Variants in PDGFD observed in about 807,000 individuals in gnomAD.
PDGFD encodes platelet-derived growth factor D.
A neutral mutation model predicts 44.7 loss-of-function variants in PDGFD; 30 were observed. The observed-to-expected ratio is 0.67, with a 90% CI of 0.50 to 0.91. The LOEUF is 0.91. PDGFD is among the 40% of genes least tolerant of loss of function. The pLI, the probability that PDGFD is intolerant of heterozygous loss-of-function variation, is 0.00. For synonymous variants in PDGFD, 173 were observed against 168.4 expected (o/e 1.03, Z -0.21); for missense variants, 445 against 457.8 (o/e 0.97, Z 0.25).
At chr11:103,976,526 C>T (rs936129631) in intron 3 of PDGFD, among the ~76,000 whole-genome samples, 4 of 152,124 alleles carry the variant, frequency 2.6e-5, no homozygotes, top group African/African-American at 9.7e-5. Flanking sequence ...TTATTTCTTT[C>T]TCTTGCCTGA....
intron 3 of PDGFD, among the ~76,000 whole-genome samples, chr11:103,978,093 A>G (rs529493862): frequency 6.6e-6 from 1 of 152,180 alleles, no homozygotes; most frequent in Non-Finnish European, 1.5e-5. Context: ...TTCCATTGCT[A>G]ACAGCTGGGA....
intron 1 of PDGFD, among the ~76,000 whole-genome samples, chr11:104,015,759 C>A (rs2134378072): frequency 6.6e-6 from 1 of 152,260 alleles, no homozygotes; most frequent in African/African-American, 2.4e-5. Context: ...GTTACAATAT[C>A]ATGTGAGAGT....
At chr11:103,955,995 C>A (rs111880056) in intron 3 of PDGFD, among the ~76,000 whole-genome samples, 2,071 of 151,524 alleles carry the variant, frequency 0.014, 45 homozygotes, top group South Asian at 0.056. Flanking sequence ...CATTTTTCTT[C>A]CTACATTATG....
At chr11:103,941,997 T>C (rs1375089038) in intron 5 of PDGFD, among the ~76,000 whole-genome samples, 2 of 152,128 alleles carry the variant, frequency 1.3e-5, no homozygotes, top group East Asian at 3.9e-4. Context: ...TTCAGGGCTA[T>C]AGTGATCTGC....
chr11:104,156,661 A>C (rs757841827), intron 1 of PDGFD, among the ~76,000 whole-genome samples: 1 of 152,210 alleles, frequency 6.6e-6, no homozygotes, highest in South Asian at 2.1e-4. Flanking sequence ...TTAATCTGTC[A>C]ATATTAAAGC....
chr11:104,131,360 G>C (rs1861917267), intron 1 of PDGFD, among the ~76,000 whole-genome samples: 1 of 152,124 alleles, frequency 6.6e-6, no homozygotes, highest in Admixed American at 6.5e-5. Flanking sequence ...CTGCTGCCTT[G>C]CCAGTGGTGA....
intron 3 of PDGFD, among the ~76,000 whole-genome samples, chr11:103,955,191 A>C (rs1406837869): frequency 5.3e-5 from 4 of 75,182 alleles, no homozygotes; most frequent in Admixed American, 4.1e-4. Flanking sequence ...AAAAAAAAAA[A>C]AAAAAAAAAA....
At chr11:104,100,741 G>C (rs1196898273) in intron 1 of PDGFD, among the ~76,000 whole-genome samples, 7 of 152,118 alleles carry the variant, frequency 4.6e-5, no homozygotes, top group Admixed American at 4.6e-4. Flanking sequence ...ACAACAAAAA[G>C]CTTATCCACC....
At chr11:104,028,640 C>T (rs371788322) in intron 1 of PDGFD, among the ~76,000 whole-genome samples, 2 of 149,814 alleles carry the variant, frequency 1.3e-5, no homozygotes, top group East Asian at 3.9e-4. Context: ...CCTTGGAACA[C>T]TGGGTTTCTT....
In PDGFD at chr11:104,097,711, T is replaced by C. The variant is rs567196475; in HGVS notation, c.124+66093A>G. ...TTTTTCTAACAATCCCCGCACCAAC[T>C]CTATGAAGAAGATGCAGCTGTTATC... On this transcript the variant is annotated intron_variant, in intron 1 of 6. Transcript: ENST00000393158. Among the ~76,000 whole-genome samples the C allele has an allele frequency of 6.1e-4, 93 of 152,336 alleles. No individual in the cohort carries two copies. In the South Asian group the frequency reaches 6.2e-3, roughly 10 times the overall value.
At chr11:104,069,451 T>C (rs562807982) in intron 1 of PDGFD, among the ~76,000 whole-genome samples, 2 of 152,346 alleles carry the variant, frequency 1.3e-5, no homozygotes, top group African/African-American at 4.8e-5. Flanking sequence ...AATTCATAAA[T>C]ATCTTGTTAA....
intron 1 of PDGFD, among the ~76,000 whole-genome samples, chr11:104,077,309 G>T (rs1490603453): frequency 1.3e-5 from 2 of 152,154 alleles, no homozygotes; most frequent in African/African-American, 4.8e-5. Context: ...GGTCAACCAG[G>T]GTAGAGATGA....
intron 3 of PDGFD, among the ~76,000 whole-genome samples, chr11:103,962,419 C>T (rs1858952105): frequency 6.6e-6 from 1 of 152,074 alleles, no homozygotes; most frequent in African/African-American, 2.4e-5. Flanking sequence ...TTACTAAAAG[C>T]TATGTCTAAA....
chr11:104,163,081 A>G (rs4237610), intron 1 of PDGFD, among the ~76,000 whole-genome samples: 48,735 of 151,934 alleles, frequency 0.32, 7,897 homozygotes, highest in Middle Eastern at 0.37. Context: ...CAGCTGTTTC[A>G]GGAGCTGTGC....
At chr11:104,094,045 C>T (rs191325737) in intron 1 of PDGFD, among the ~76,000 whole-genome samples, 4 of 151,882 alleles carry the variant, frequency 2.6e-5, no homozygotes, top group East Asian at 1.9e-4. Flanking sequence ...CTTCAGCCTC[C>T]GCCACTCCAC....
At chr11:104,044,135 A>C (rs1860403443) in intron 1 of PDGFD, among the ~76,000 whole-genome samples, 1 of 152,236 alleles carries the variant, frequency 6.6e-6, no homozygotes, top group Admixed American at 6.5e-5. Flanking sequence ...TCTCAAAGAC[A>C]ATGAGATACC....
chr11:104,133,843 C>A (rs774382191), intron 1 of PDGFD, among the ~76,000 whole-genome samples: 5 of 152,040 alleles, frequency 3.3e-5, no homozygotes, highest in Non-Finnish European at 7.4e-5. Flanking sequence ...TGTGGCAGAG[C>A]CCTGAGTCCT....
intron 1 of PDGFD, among the ~76,000 whole-genome samples, chr11:104,042,968 T>G (rs1385162711): frequency 6.6e-6 from 1 of 152,220 alleles, no homozygotes; most frequent in Non-Finnish European, 1.5e-5. Flanking sequence ...CATTCATACA[T>G]GTCACTAAAA....
Position 104,080,625 on chromosome 11 carries a change from T to C in PDGFD, c.125-80370A>G, listed in dbSNP as rs564938286. On this transcript the variant is annotated intron_variant, in intron 1 of 6. Coordinates refer to ENST00000393158, the MANE Select transcript of PDGFD (RefSeq NM_025208.5). ...CGTATGTTGGAGGAGCCACCATCCA[T>C]TGTGTGCCGCCATCATGATCCTTGC... is the stretch of plus-strand genomic sequence containing the variant. Among the ~76,000 whole-genome samples, 3 of 150,430 alleles carry C rather than the reference T, an allele frequency of 2.0e-5. No individual in the cohort carries two copies. In the East Asian group the frequency reaches 5.8e-4, roughly 29 times the overall value.
Sources: gnomAD v4.1 joint callset for allele counts (sites outside exome capture counted in the v4.1 genomes callset) on GRCh38, gnomAD v4.1.1 for gene constraint, MANE v1.5 for transcripts, NCBI Gene and HGNC (gene_info 2026-07-23, HGNC 2026-07-21) for gene names.